Variants in UPF2 observed in about 807,000 individuals in gnomAD.
UPF2 encodes regulator of nonsense transcripts 2.
Under a neutral mutation model 141.4 loss-of-function variants are expected in UPF2, and 17 were observed. That is an observed-to-expected ratio of 0.12 (90% confidence interval 0.08 to 0.18). The LOEUF (loss-of-function observed/expected upper bound fraction) is 0.18, where lower values mean the gene tolerates loss of function less well. Ranked by LOEUF, UPF2 falls within the 10% of genes least tolerant of loss-of-function variation. UPF2 has a pLI of 1.00. For missense variants in UPF2, 1,152 were observed against 1,515.9 expected (o/e 0.76, Z 3.99); for synonymous variants, 540 against 498.0 (o/e 1.08, Z -1.12).
At chr10:11,975,252 T>C (rs1334883400) in intron 9 of UPF2, among the ~76,000 whole-genome samples, 3 of 152,096 alleles carry the variant, frequency 2.0e-5, no homozygotes, top group South Asian at 2.1e-4. Context: ...CAGAGTAAGA[T>C]ACCATCTCTT....
chr10:11,932,314 TA>T (rs1832792305), intron 19 of UPF2, among the ~76,000 whole-genome samples: 1 of 152,132 alleles, frequency 6.6e-6, no homozygotes, highest in Admixed American at 6.6e-5. Flanking sequence ...CATAATCTAC[TA>T]ATAAGCCTAA....
intron 1 of UPF2, among the ~76,000 whole-genome samples, chr10:12,041,773 C>A (rs1242437180): frequency 6.6e-6 from 1 of 152,124 alleles, no homozygotes; most frequent in Non-Finnish European, 1.5e-5. Flanking sequence ...GAAATTGTAC[C>A]AGCTCACAAA....
intron 4 of UPF2, among the ~76,000 whole-genome samples, chr10:12,007,834 G>GTAA (rs140872031): frequency 0.082 from 11,007 of 134,418 alleles, 624 homozygotes; most frequent in African/African-American, 0.16. Context: ...CCGTCTCAAA[G>GTAA]TAATAATAAT....
At chr10:11,970,837 C>CA (rs1435965424) in intron 9 of UPF2, among the ~76,000 whole-genome samples, 3 of 151,472 alleles carry the variant, frequency 2.0e-5, no homozygotes, top group South Asian at 2.1e-4. Context: ...AAATAAATAA[C>CA]AAAAAACTAT....
intron 19 of UPF2, among the ~76,000 whole-genome samples, chr10:11,932,695 A>G (rs1485212132): frequency 6.6e-6 from 1 of 152,180 alleles, no homozygotes. Context: ...TTTATAGCAA[A>G]TTAGATGATA....
In UPF2 at chr10:11,935,291, CAA is replaced by C. The variant is rs1263043421; in HGVS notation, c.3546+1252_3546+1253del. On this transcript the variant is annotated intron_variant, in intron 19 of 21. Transcript: ENST00000357604. The surrounding 1 kb of genome is among the most constrained non-coding windows in gnomAD (Gnocchi z 4.9). ...CTCCCAACACCAGAATGAAAGCTCG[CAA>C]GAGAGGAAGGACTCTGGCTAACTGC... is the stretch of plus-strand genomic sequence containing the variant. 6.6e-6 allele frequency among the ~76,000 whole-genome samples: 1 copy of C among 152,126 alleles called. No individual in the cohort carries two copies. The highest frequency in any genetic ancestry group is 1.5e-5 in the Non-Finnish European group (1 of 68,032).
chr10:11,964,201 ATG>A, intron 10 of UPF2, 76 bp from the exon 11 acceptor site: 2 of 1,082,608 alleles, frequency 1.8e-6, no homozygotes, highest in Non-Finnish European at 2.7e-6. Flanking sequence ...CATACATCTA[ATG>A]TGTGTAACAA....
chr10:11,948,561 A>G (rs1302513227), intron 15 of UPF2, 53 bp from the exon 16 acceptor site: 1 of 1,582,928 alleles, frequency 6.3e-7, no homozygotes, highest in Non-Finnish European at 8.6e-7. Context: ...GACACAGGCT[A>G]GTTTTCTACA....
chr10:11,969,459 T>C (rs1833378806), intron 9 of UPF2, among the ~76,000 whole-genome samples: 1 of 152,164 alleles, frequency 6.6e-6, no homozygotes, highest in Non-Finnish European at 1.5e-5. Context: ...TGTGAGACAC[T>C]GCTCCCAGCC....
intron 4 of UPF2, among the ~76,000 whole-genome samples, chr10:12,013,280 T>A (rs1310975621): frequency 6.7e-6 from 1 of 149,618 alleles, no homozygotes; most frequent in Non-Finnish European, 1.5e-5. Context: ...CCCTAAAATT[T>A]TTTTTTTTTT....
intron 8 of UPF2, among the ~76,000 whole-genome samples, chr10:11,994,079 G>GA (rs1455827023): frequency 6.6e-6 from 1 of 151,938 alleles, no homozygotes; most frequent in Admixed American, 6.6e-5. Context: ...ATAAATGGAA[G>GA]AAACCCAAAA....
chr10:12,019,405 A>G lies in UPF2; in HGVS notation c.1146-5221T>C, dbSNP rs1296744475. ...TTTTCAACCATTTAAAAAAGTAAAA[A>G]CCATTCTTAGGTGACAGGCTGTAGA... On this transcript the variant is annotated intron_variant, in intron 3 of 21. Transcript: ENST00000357604. This position sits in a 1 kb window ranked among gnomAD's most constrained non-coding sequence, Gnocchi z 4.5. 6.6e-6 allele frequency among the ~76,000 whole-genome samples: 1 copy of G among 152,214 alleles called. No homozygotes were observed. The highest frequency in any genetic ancestry group is 2.4e-5 in the African/African-American group (1 of 41,456).
chr10:11,971,021 T>A (rs1833408287), intron 9 of UPF2, among the ~76,000 whole-genome samples: 1 of 152,046 alleles, frequency 6.6e-6, no homozygotes, highest in Non-Finnish European at 1.5e-5. Context: ...ACATCCTGTA[T>A]CATCCACATC....
rs144037506 is a variant in UPF2 at position 12,016,892 on chromosome 10, T to C, written c.1146-2708A>G. 3.6e-3 allele frequency among the ~76,000 whole-genome samples: 545 copies of C among 151,716 alleles called. 11 individuals are homozygous for C. In the East Asian group the frequency reaches 0.07, roughly 19 times the overall value. ...AAAATTAGCCGGGCACGATGGTGGG[T>C]GCCTGTAATCCTAGCTCCTTGGGAG... is the stretch of plus-strand genomic sequence containing the variant. On this transcript the variant is annotated intron_variant, in intron 3 of 21. Coordinates refer to ENST00000357604, the MANE Select transcript of UPF2 (RefSeq NM_015542.4). The surrounding 1 kb of genome is among the most constrained non-coding windows in gnomAD (Gnocchi z 4.1).
At position 11,921,137 on chromosome 10, in the gene UPF2, TG is replaced by T; in HGVS notation, c.*160del. 1 of 949,966 alleles carries T rather than the reference TG, an allele frequency of 1.1e-6. No individual in the cohort carries two copies. Among genetic ancestry groups the T allele is most frequent in the Non-Finnish European group, 1.7e-6 (1 of 574,506 alleles). The allele number at this position is 949,966 out of a possible 1,614,324, so 58.8% of individuals were successfully genotyped here. A position where few individuals can be genotyped will look rare whatever the true frequency, so the allele number is the denominator to read the frequency against. ...GGCTTGTTCCGGTGTTGGCAGAGGC[TG>T]GTGTTTCTGCCTCCTGGCCCCAGCC... On this transcript the variant is annotated 3_prime_UTR_variant, in exon 22 of 22. Transcript: ENST00000357604. The surrounding 1 kb of genome is among the most constrained non-coding windows in gnomAD (Gnocchi z 5.9).
chr10:12,014,021 T>C lies in UPF2; in HGVS notation c.1306+3A>G. 6.5e-7 allele frequency: 1 copy of C among 1,543,932 alleles called. No homozygotes were observed. The highest frequency in any genetic ancestry group is 8.8e-7 in the Non-Finnish European group (1 of 1,141,114). On this transcript the variant is annotated splice_donor_region_variant and intron_variant, in intron 4 of 21. Transcript: ENST00000357604. The surrounding 1 kb of genome is among the most constrained non-coding windows in gnomAD (Gnocchi z 5.0). ...AATGTTTGTTTTTAAGGATATCTCT[T>C]ACCTTCTGGTGTTGGTTTGTCTTGA... is the stretch of plus-strand genomic sequence containing the variant.
chr10:11,997,871 A>G, intron 7 of UPF2, 114 bp from the exon 8 acceptor site: 1 of 1,046,566 alleles, frequency 9.6e-7, no homozygotes, highest in Middle Eastern at 2.8e-4. Flanking sequence ...AATGGTTTTA[A>G]GAAACTAGTA....
chr10:11,942,922 G>C (rs1832953800), intron 17 of UPF2, 142 bp downstream of exon 17: 1 of 920,132 alleles, frequency 1.1e-6, no homozygotes, highest in African/African-American at 1.7e-5. Context: ...TAAAGAAAAT[G>C]GTTAGGAAAA....
In UPF2 at chr10:11,927,052, G is replaced by T. The variant is rs151079568; in HGVS notation, c.3809+2813C>A. On this transcript the variant is annotated intron_variant, in intron 21 of 21. Coordinates refer to ENST00000357604, the MANE Select transcript of UPF2 (RefSeq NM_015542.4). ...GGTTTTTGAAACAGACAAATGAAGA[G>T]GGTGGAATTATCTTTCAAGTACCCA... Among the ~76,000 whole-genome samples, 127 of 152,276 alleles carry T rather than the reference G, an allele frequency of 8.3e-4. 1 individual carries two copies. The highest frequency in any genetic ancestry group is 2.9e-3 in the African/African-American group (122 of 41,544).
Sources: allele counts gnomAD v4.1 joint callset (sites outside exome capture counted in the v4.1 genomes callset), GRCh38; gene constraint gnomAD v4.1.1; non-coding constraint Gnocchi (gnomAD v3.1); transcripts MANE v1.5; gene names NCBI Gene and HGNC (gene_info 2026-07-23, HGNC 2026-07-21).